RBFOX1: variants seen among roughly 807,000 people sequenced by gnomAD.
The protein encoded by RBFOX1 is RNA binding protein fox-1 homolog 1.
Under a neutral mutation model 57.7 loss-of-function variants are expected in RBFOX1, and 8 were observed. That is an observed-to-expected ratio of 0.14 (90% confidence interval 0.08 to 0.25). The LOEUF (loss-of-function observed/expected upper bound fraction) is 0.25. Ranked by LOEUF, RBFOX1 falls within the 10% of genes least tolerant of loss-of-function variation. The pLI, the probability that RBFOX1 is intolerant of heterozygous loss-of-function variation, is 1.00. For missense variants in RBFOX1, 611 were observed against 548.5 expected (o/e 1.11, Z -1.14); for synonymous variants, 326 against 222.4 (o/e 1.47, Z -4.15).
chr16:6,740,565 T>A (rs1231060199), intron 3 of RBFOX1, among the ~76,000 whole-genome samples: 1 of 152,172 alleles, frequency 6.6e-6, no homozygotes, highest in Non-Finnish European at 1.5e-5. Context: ...GAAATCACAT[T>A]GCCAAAAACA....
chr16:6,426,045 T>C (rs998660342), intron 2 of RBFOX1, among the ~76,000 whole-genome samples: 3 of 152,098 alleles, frequency 2.0e-5, no homozygotes, highest in East Asian at 1.9e-4. Context: ...TACTTTCTAT[T>C]GTAGCTAGCT....
chr16:5,357,588 C>G (rs749878553), intron 1 of RBFOX1, among the ~76,000 whole-genome samples: 1 of 152,150 alleles, frequency 6.6e-6, no homozygotes, highest in African/African-American at 2.4e-5. Flanking sequence ...TTCAGCAGGT[C>G]CAGGTAGGTT....
intron 3 of RBFOX1, among the ~76,000 whole-genome samples, chr16:5,857,999 T>G (rs7191179): frequency 0.055 from 8,401 of 152,202 alleles, 298 homozygotes; most frequent in Admixed American, 0.094. Context: ...ATAAGCTTTT[T>G]GTGGTATTTC....
At chr16:7,640,137 C>G (rs2062519859) in intron 11 of RBFOX1, among the ~76,000 whole-genome samples, 2 of 152,186 alleles carry the variant, frequency 1.3e-5, no homozygotes, top group African/African-American at 2.4e-5. Flanking sequence ...TATTTTTAAT[C>G]CCTGCAACCA....
intron 3 of RBFOX1, among the ~76,000 whole-genome samples, chr16:6,998,967 C>G (rs1241598759): frequency 6.6e-6 from 1 of 151,374 alleles, no homozygotes; most frequent in Admixed American, 6.6e-5. Flanking sequence ...CTCCCAGGTT[C>G]AAGCGATTCT....
intron 3 of RBFOX1, among the ~76,000 whole-genome samples, chr16:6,952,198 C>G (rs889537543): frequency 6.6e-6 from 1 of 152,298 alleles, no homozygotes; most frequent in Admixed American, 6.5e-5. Flanking sequence ...GAATCCTTCA[C>G]TGCTATCACT....
intron 4 of RBFOX1, among the ~76,000 whole-genome samples, chr16:7,451,316 C>T (rs1026886050): frequency 6.6e-6 from 1 of 152,154 alleles, no homozygotes; most frequent in Non-Finnish European, 1.5e-5. Context: ...ACGGATGGTT[C>T]TTTCTTGCAT....
At chr16:6,950,751 A>G (rs2080554354) in intron 3 of RBFOX1, among the ~76,000 whole-genome samples, 1 of 152,168 alleles carries the variant, frequency 6.6e-6, no homozygotes, top group South Asian at 2.1e-4. Flanking sequence ...CGGCCATGTA[A>G]TATGGGTAGG....
chr16:7,165,644 G>T (rs2079321811), intron 4 of RBFOX1, among the ~76,000 whole-genome samples: 1 of 151,754 alleles, frequency 6.6e-6, no homozygotes, highest in South Asian at 2.1e-4. Context: ...GGTCAGGCTG[G>T]TCTCAAACTC....
intron 1 of RBFOX1, among the ~76,000 whole-genome samples, chr16:6,046,464 T>C (rs373967564): frequency 2.1e-3 from 324 of 152,264 alleles, no homozygotes; most frequent in African/African-American, 7.4e-3. Flanking sequence ...AAGTGCGGAT[T>C]TAAGAATACA....
At chr16:7,228,466 T>C (rs2093290391) in intron 4 of RBFOX1, among the ~76,000 whole-genome samples, 1 of 152,222 alleles carries the variant, frequency 6.6e-6, no homozygotes, top group African/African-American at 2.4e-5. Context: ...CTATTCTAAA[T>C]AGGTGTTCTC....
chr16:7,708,290 C>T (rs532192345), intron 14 of RBFOX1, among the ~76,000 whole-genome samples: 3 of 152,214 alleles, frequency 2.0e-5, no homozygotes, highest in South Asian at 2.1e-4. Context: ...GCATTCAGCA[C>T]GTTTGGTTTC....
chr16:7,506,604 TCACCACCAC>T (rs547512960), intron 4 of RBFOX1, among the ~76,000 whole-genome samples: 1 of 151,592 alleles, frequency 6.6e-6, no homozygotes, highest in Non-Finnish European at 1.5e-5. Flanking sequence ...ATCATCATCA[TCACCACCAC>T]CACCATCTTT....
chr16:6,823,366 C>G (rs2091642403), intron 3 of RBFOX1, among the ~76,000 whole-genome samples: 1 of 151,950 alleles, frequency 6.6e-6, no homozygotes, highest in Non-Finnish European at 1.5e-5. Context: ...AAGTGATTCT[C>G]CTGCCTCAGC....
At chr16:5,615,115 G>T (rs926551758) in intron 3 of RBFOX1, among the ~76,000 whole-genome samples, 2 of 152,176 alleles carry the variant, frequency 1.3e-5, no homozygotes, top group African/African-American at 4.8e-5. Context: ...GCTCACTGCA[G>T]CCTTGAACTC....
At chr16:6,852,315 G>A (rs2094115882) in intron 3 of RBFOX1, among the ~76,000 whole-genome samples, 2 of 152,232 alleles carry the variant, frequency 1.3e-5, no homozygotes, top group South Asian at 4.1e-4. Flanking sequence ...TTTTAAGGAT[G>A]CTTGAGGTTG....
chr16:6,135,644 G>GA (rs368478489), intron 1 of RBFOX1, among the ~76,000 whole-genome samples: 30 of 151,138 alleles, frequency 2.0e-4, no homozygotes, highest in Non-Finnish European at 3.0e-4. Flanking sequence ...CAGAATGTCT[G>GA]AAAAAAAACC....
intron 2 of RBFOX1, among the ~76,000 whole-genome samples, chr16:6,481,204 T>C (rs1241374037): frequency 1.3e-5 from 2 of 152,168 alleles, no homozygotes; most frequent in African/African-American, 2.4e-5. Flanking sequence ...GTTTTACTTA[T>C]GGGGTGGGAG....
At chr16:7,703,453 C>G (rs977225634) in intron 14 of RBFOX1, among the ~76,000 whole-genome samples, 15 of 152,122 alleles carry the variant, frequency 9.9e-5, no homozygotes, top group African/African-American at 3.6e-4. Context: ...CCAGCTATCT[C>G]TGGGGTGAGA....
Sources: allele counts gnomAD v4.1 joint callset (sites outside exome capture counted in the v4.1 genomes callset), GRCh38; gene constraint gnomAD v4.1.1; transcripts MANE v1.5; gene names NCBI Gene and HGNC (gene_info 2026-07-23, HGNC 2026-07-21).